The following GPR137B variants were observed in gnomAD, a reference collection of about 807,000 sequenced individuals.
GPR137B encodes integral membrane protein GPR137B.
In GPR137B, 42 loss-of-function variants were observed where a neutral mutation model predicts 42.5. The ratio of observed to expected loss-of-function variants is 0.99; its 90% CI spans 0.77 to 1.28. The LOEUF (loss-of-function observed/expected upper bound fraction) is 1.28, where lower values mean the gene tolerates loss of function less well. Among genes scored for constraint, GPR137B ranks in the 50% most tolerant of loss-of-function variants. GPR137B has a pLI of 0.00. For missense variants in GPR137B, 487 were observed against 493.9 expected (o/e 0.99, Z 0.13); for synonymous variants, 218 against 209.7 (o/e 1.04, Z -0.34).
chr1:236,208,636 T>C lies in GPR137B; in HGVS notation c.*478T>C. ...GGTCACTCCGATTCTGAGTGCCACA[T>C]TGGTAGACTCCTAAAATACAGTTGA... is the stretch of plus-strand genomic sequence containing the variant. On this transcript the variant is annotated 3_prime_UTR_variant, in exon 7 of 7. Transcript: ENST00000366592. 3.0e-6 allele frequency: 3 copies of C among 985,822 alleles called. No individual in the cohort carries two copies. The highest frequency in any genetic ancestry group is 5.2e-4 in the Middle Eastern group (1 of 1,912). 61.1% of individuals were successfully genotyped at this position (985,822 alleles called of 1,614,324 possible).
chr1:236,178,323 T>C (rs1558488215), intron 2 of GPR137B, 91 bp from the exon 3 acceptor site: 2 of 754,914 alleles, frequency 2.6e-6, no homozygotes, highest in East Asian at 4.9e-5. Context: ...CTTTGGTGTG[T>C]CTGCTTCTAG....
intron 1 of GPR137B, among the ~76,000 whole-genome samples, chr1:236,143,818 GGTT>G (rs1661605944): frequency 6.6e-6 from 1 of 152,242 alleles, no homozygotes; most frequent in Non-Finnish European, 1.5e-5. Flanking sequence ...TACTGCTGAT[GGTT>G]GACTTAATGA....
At chr1:236,187,274 T>G (rs9662753) in intron 5 of GPR137B, among the ~76,000 whole-genome samples, 50,109 of 151,734 alleles carry the variant, frequency 0.33, 8,784 homozygotes, top group East Asian at 0.6. Flanking sequence ...TCTCCCATTC[T>G]GTAGGTTGCC....
At chr1:236,162,681 G>A (rs1242242738) in intron 1 of GPR137B, among the ~76,000 whole-genome samples, 1 of 152,226 alleles carries the variant, frequency 6.6e-6, no homozygotes, top group African/African-American at 2.4e-5. Flanking sequence ...TTCAGAGGGT[G>A]GAAGCCCCAA....
intron 1 of GPR137B, among the ~76,000 whole-genome samples, chr1:236,159,274 A>G (rs1304067753): frequency 2.0e-5 from 3 of 152,208 alleles, no homozygotes; most frequent in Non-Finnish European, 2.9e-5. Context: ...TGATGGCACC[A>G]CTGCACTCCA....
chr1:236,148,882 C>T (rs910766369), intron 1 of GPR137B, among the ~76,000 whole-genome samples: 1 of 152,084 alleles, frequency 6.6e-6, no homozygotes, highest in Admixed American at 6.5e-5. Context: ...GGTTCCAATC[C>T]GGGCTTTGCC....
intron 2 of GPR137B, among the ~76,000 whole-genome samples, chr1:236,172,151 T>A (rs562161177): frequency 6.6e-6 from 1 of 152,220 alleles, no homozygotes; most frequent in African/African-American, 2.4e-5. Context: ...CCTAGTGATT[T>A]TGTTGCCAAA....
intron 1 of GPR137B, among the ~76,000 whole-genome samples, chr1:236,143,507 C>G (rs1345213020): frequency 6.6e-6 from 1 of 152,242 alleles, no homozygotes; most frequent in African/African-American, 2.4e-5. Context: ...CTGTTTTGAG[C>G]GTTGGCAGGG....
intron 6 of GPR137B, among the ~76,000 whole-genome samples, chr1:236,206,144 A>G (rs974540641): frequency 7.2e-5 from 11 of 152,238 alleles, no homozygotes; most frequent in African/African-American, 2.7e-4. Context: ...AAATACTTCT[A>G]TAGCATCTAC....
intron 6 of GPR137B, among the ~76,000 whole-genome samples, chr1:236,205,697 C>T (rs1663638050): frequency 1.3e-5 from 2 of 152,246 alleles, no homozygotes; most frequent in African/African-American, 4.8e-5. Flanking sequence ...TGCGCCACCG[C>T]ACCCAGCAAA....
chr1:236,191,626 C>T (rs1663195298), intron 5 of GPR137B, among the ~76,000 whole-genome samples: 1 of 152,190 alleles, frequency 6.6e-6, no homozygotes, highest in Non-Finnish European at 1.5e-5. Context: ...CCACTCCAGA[C>T]CCTGTTTGCC....
chr1:236,168,115 CTGTT>C (rs72279074), intron 1 of GPR137B, among the ~76,000 whole-genome samples: 6,982 of 152,130 alleles, frequency 0.046, 433 homozygotes, highest in African/African-American at 0.13. Flanking sequence ...AGAGAGTGGA[CTGTT>C]TGTTTATCTT....
chr1:236,202,795 C>T (rs1572011094), intron 5 of GPR137B, among the ~76,000 whole-genome samples: 1 of 152,214 alleles, frequency 6.6e-6, no homozygotes, highest in Non-Finnish European at 1.5e-5. Context: ...AGACCCATGT[C>T]TTGGCGATAT....
intron 1 of GPR137B, among the ~76,000 whole-genome samples, chr1:236,166,134 T>C (rs1662346595): frequency 6.6e-6 from 1 of 152,238 alleles, no homozygotes; most frequent in African/African-American, 2.4e-5. Flanking sequence ...CTTCTCACTT[T>C]GGCATTTGTG....
chr1:236,208,738 A>AT lies in GPR137B; in HGVS notation c.*590dup, dbSNP rs559622081. The AT allele has an allele frequency of 1.4e-3, 1,191 of 874,660 alleles. 1 individual carries two copies. The highest frequency in any genetic ancestry group is 3.6e-3 in the East Asian group (30 of 8,336). 54.2% of individuals were successfully genotyped at this position (874,660 alleles called of 1,614,324 possible). A position where few individuals can be genotyped will look rare whatever the true frequency, so the allele number is the denominator to read the frequency against. On this transcript the variant is annotated 3_prime_UTR_variant, in exon 7 of 7. Transcript: ENST00000366592. ...GCAGCAGACTGTAAGGTCTTTAGAG[A>AT]TTTTTTTTTTAAGGTTCAGGCCGTA...
In GPR137B at chr1:236,177,343, C is replaced by T. The variant is rs182324055; in HGVS notation, c.465-1071C>T. Among the ~76,000 whole-genome samples, 14 of 152,084 alleles carry T rather than the reference C, an allele frequency of 9.2e-5. No individual in the cohort carries two copies. In the East Asian group the frequency reaches 2.3e-3, roughly 25 times the overall value. On this transcript the variant is annotated intron_variant, in intron 2 of 6. Coordinates refer to ENST00000366592, the MANE Select transcript of GPR137B (RefSeq NM_003272.4). ...CTCTGTCTGCCTCTTTCTCTCTCTA[C>T]CCCCTCCCTCTCCCTACCCACCGAC...
intron 1 of GPR137B, among the ~76,000 whole-genome samples, chr1:236,163,686 C>T (rs1158465442): frequency 6.6e-6 from 1 of 152,130 alleles, no homozygotes; most frequent in African/African-American, 2.4e-5. Context: ...TTTTCTCTTG[C>T]TGCTGCCATG....
chr1:236,163,020 C>T (rs1018431118), intron 1 of GPR137B, among the ~76,000 whole-genome samples: 1 of 152,206 alleles, frequency 6.6e-6, no homozygotes. Flanking sequence ...CACTCAACAC[C>T]AGCCCGTGAA....
intron 2 of GPR137B, among the ~76,000 whole-genome samples, chr1:236,169,061 C>T (rs1011462417): frequency 6.6e-6 from 1 of 152,226 alleles, no homozygotes; most frequent in African/African-American, 2.4e-5. Context: ...TGCCTCTAAA[C>T]CTTCCTGAGG....
Sources: allele counts gnomAD v4.1 joint callset (sites outside exome capture counted in the v4.1 genomes callset), GRCh38; gene constraint gnomAD v4.1.1; transcripts MANE v1.5; gene names NCBI Gene and HGNC (gene_info 2026-07-23, HGNC 2026-07-21).